Variants in ARHGEF7 observed in about 807,000 individuals in gnomAD.
ARHGEF7 encodes the protein PAK-interacting exchange factor beta.
A neutral mutation model predicts 109.8 loss-of-function variants in ARHGEF7; 33 were observed. The ratio of observed to expected loss-of-function variants is 0.30; its 90% CI spans 0.23 to 0.40. The LOEUF (loss-of-function observed/expected upper bound fraction) is 0.40. Ranked by LOEUF, ARHGEF7 falls within the 10% of genes least tolerant of loss-of-function variation. ARHGEF7 has a pLI of 1.00. For missense variants in ARHGEF7, 938 were observed against 1,098.5 expected (o/e 0.85, Z 2.07); for synonymous variants, 458 against 424.6 (o/e 1.08, Z -0.97).
In ARHGEF7 at chr13:111,273,666, G is replaced by A. The variant is rs566483138; in HGVS notation, c.1074-148G>A. 1.7e-5 allele frequency: 19 copies of A among 1,090,290 alleles called. No homozygotes were observed. The East Asian group carries it at 2.2e-4, about 13-fold the overall frequency. 67.5% of individuals were successfully genotyped at this position (1,090,290 alleles called of 1,614,324 possible). A position where few individuals can be genotyped will look rare whatever the true frequency, so the allele number is the denominator to read the frequency against. On this transcript the variant is annotated intron_variant, in intron 9 of 21. Coordinates refer to ENST00000646102, the MANE Select transcript of ARHGEF7 (RefSeq NM_001354046.2). This position sits in a 1 kb window ranked among gnomAD's most constrained non-coding sequence, Gnocchi z 4.5. ...CCTTTGGCATTTCCAGATAAGCAGC[G>A]CAGATTTGGGATAAAAGCTGGAGCC... is the stretch of plus-strand genomic sequence containing the variant.
At chr13:111,256,283 G>A (rs987066375) in intron 8 of ARHGEF7, among the ~76,000 whole-genome samples, 1 of 152,196 alleles carries the variant, frequency 6.6e-6, no homozygotes, top group African/African-American at 2.4e-5. Context: ...GATTAAGGAA[G>A]CTTTATAAAT....
At chr13:111,186,839 C>T (rs1365075352) in intron 2 of ARHGEF7, 2 of 985,328 alleles carry the variant, frequency 2.0e-6, no homozygotes, top group Non-Finnish European at 2.4e-6. Context: ...GCAGAGGCCT[C>T]TCCGTCAGTA....
chr13:111,249,364 AG>A (rs2153556614), intron 8 of ARHGEF7, among the ~76,000 whole-genome samples: 1 of 152,172 alleles, frequency 6.6e-6, no homozygotes, highest in Admixed American at 6.5e-5. Flanking sequence ...GCTGCAGTTG[AG>A]GACGTGCCAG....
chr13:111,203,022 T>C, intron 2 of ARHGEF7: 2 of 1,229,412 alleles, frequency 1.6e-6, no homozygotes, highest in Non-Finnish European at 2.1e-6. Context: ...GGTATCCAAG[T>C]AAGAAAGATA....
At chr13:111,301,079 G>A (rs2153636628) in intron 20 of ARHGEF7, among the ~76,000 whole-genome samples, 1 of 152,186 alleles carries the variant, frequency 6.6e-6, no homozygotes, top group East Asian at 1.9e-4. Flanking sequence ...CTCCCGAGTA[G>A]CTGGGATTAC....
At chr13:111,301,875 G>C (rs1468859508) in intron 21 of ARHGEF7, among the ~76,000 whole-genome samples, 3 of 152,176 alleles carry the variant, frequency 2.0e-5, no homozygotes, top group Admixed American at 2.0e-4. Flanking sequence ...CTGAGCCACA[G>C]AGCAAGACTC....
Position 111,275,561 on chromosome 13 carries a change from A to G in ARHGEF7, c.1302A>G (p.Lys434=), listed in dbSNP as rs1018943822. 1.9e-6 allele frequency: 3 copies of G among 1,614,060 alleles called. No homozygotes were observed. The highest frequency in any genetic ancestry group is 2.5e-6 in the Non-Finnish European group (3 of 1,179,950). The change falls in exon 12 of 22, where the codon AAA becomes AAG. Residue 434 remains lysine (K), a synonymous_variant. Coordinates refer to ENST00000646102, the MANE Select transcript of ARHGEF7 (RefSeq NM_001354046.2). ...SAQCQEVRKR[K]ELELQILTEA... ...AATGTCAAGAAGTCCGGAAGAGGAA[A>G]GAGCTTGAGCTGCAGATCCTGACGG...
Position 111,258,397 on chromosome 13 carries a change from C to T in ARHGEF7, c.951-9151C>T, listed in dbSNP as rs2090694244. On this transcript the variant is annotated intron_variant, in intron 8 of 21. Transcript: ENST00000646102. The surrounding 1 kb of genome is among the most constrained non-coding windows in gnomAD (Gnocchi z 4.4). The stretch of plus-strand genomic sequence containing the variant: ...GAGGAAAGACGGCTTTGTCTTGCAG[C>T]TTGGATACCAGCTCAGCCACAGCAG... Among the ~76,000 whole-genome samples, 1 of 152,238 alleles carries T rather than the reference C, an allele frequency of 6.6e-6. No individual in the cohort carries two copies. Among genetic ancestry groups the T allele is most frequent in the Non-Finnish European group, 1.5e-5 (1 of 68,034 alleles).
At chr13:111,252,641 A>G (rs1168707512) in intron 8 of ARHGEF7, among the ~76,000 whole-genome samples, 1 of 152,180 alleles carries the variant, frequency 6.6e-6, no homozygotes, top group African/African-American at 2.4e-5. Flanking sequence ...ATGTACAGTG[A>G]ACTTCCATGT....
At position 111,205,369 on chromosome 13, in the gene ARHGEF7, A is replaced by G; in HGVS notation, c.333A>G (p.Thr111=). 6.3e-7 allele frequency: 1 copy of G among 1,596,338 alleles called. No homozygotes were observed. The highest frequency in any genetic ancestry group is 1.8e-5 in the Admixed American group (1 of 54,818). ...CCTTAGTGACTCTAAATAAAGTAAC[A>G]GCAGGTAAGACTCTTTTTTATTGAA... ...LSSLVTLNKV[T]ADIGLGSDSV... The change falls in exon 3 of 22, where the codon ACA becomes ACG. Residue 111 remains threonine, a synonymous_variant. Transcript: ENST00000646102.
At chr13:111,276,620 G>A (rs115559530) in intron 12 of ARHGEF7, among the ~76,000 whole-genome samples, 3,347 of 152,266 alleles carry the variant, frequency 0.022, 124 homozygotes, top group African/African-American at 0.077. Context: ...ACGACTGAAC[G>A]TAATTAGTGG....
Position 111,190,661 on chromosome 13 carries a change from C to T in ARHGEF7, c.253-14628C>T, listed in dbSNP as rs551282547. Among the ~76,000 whole-genome samples, 16 of 152,092 alleles carry T rather than the reference C, an allele frequency of 1.1e-4. No individual in the cohort carries two copies. The South Asian group carries it at 2.9e-3, about 28-fold the overall frequency. On this transcript the variant is annotated intron_variant, in intron 2 of 21. Coordinates refer to ENST00000646102, the MANE Select transcript of ARHGEF7 (RefSeq NM_001354046.2). ...TAGGGGTATTAGTTGTATGGCTCTGCGATGACAGACTTGAGCTTTGAGGGG... is the reference window on the plus strand; with the variant it reads ...TAGGGGTATTAGTTGTATGGCTCTGTGATGACAGACTTGAGCTTTGAGGGG...
chr13:111,117,061 T>C (rs2066839062), intron 1 of ARHGEF7, among the ~76,000 whole-genome samples: 1 of 152,232 alleles, frequency 6.6e-6, no homozygotes, highest in African/African-American at 2.4e-5. Flanking sequence ...TGGATACTGG[T>C]ACCTCTGGTA....
At chr13:111,117,977 TAAAAAG>T (rs1203891792) in intron 1 of ARHGEF7, among the ~76,000 whole-genome samples, 1 of 152,252 alleles carries the variant, frequency 6.6e-6, no homozygotes, top group Non-Finnish European at 1.5e-5. Flanking sequence ...GTTTTTTCCT[TAAAAAG>T]AAGCATTTGG....
At chr13:111,176,341 T>G (rs148382420) in intron 2 of ARHGEF7, among the ~76,000 whole-genome samples, 3 of 152,378 alleles carry the variant, frequency 2.0e-5, no homozygotes, top group African/African-American at 7.2e-5. Flanking sequence ...TTGCAGTGTT[T>G]GAGGTGTGTA....
Position 111,115,708 on chromosome 13 carries a change from G to GC in ARHGEF7, c.165+22dup. 8.8e-7 allele frequency: 1 copy of GC among 1,139,930 alleles called. No individual in the cohort carries two copies. The highest frequency in any genetic ancestry group is 1.1e-6 in the Non-Finnish European group (1 of 927,648). The allele number at this position is 1,139,930 out of a possible 1,614,324, so 70.6% of individuals were successfully genotyped here. A position where few individuals can be genotyped will look rare whatever the true frequency, so the allele number is the denominator to read the frequency against. On this transcript the variant is annotated intron_variant, in intron 1 of 21. Transcript: ENST00000646102. ...ATCGAGAAAGTAAGTCCCGGCCCGC[G>GC]CCCCCGCCCGCGCCCCCCGGTCCGG...
intron 2 of ARHGEF7, among the ~76,000 whole-genome samples, chr13:111,171,883 C>CT (rs2153415070): frequency 6.6e-6 from 1 of 152,326 alleles, no homozygotes; most frequent in African/African-American, 2.4e-5. Flanking sequence ...AGAGAGACCT[C>CT]TGCCCCCGTG....
At chr13:111,278,068 A>T (rs914905512) in intron 13 of ARHGEF7, among the ~76,000 whole-genome samples, 8 of 152,186 alleles carry the variant, frequency 5.3e-5, no homozygotes, top group Admixed American at 2.6e-4. Context: ...TGTCAGTGGC[A>T]CGGCACCGCC....
intron 9 of ARHGEF7, among the ~76,000 whole-genome samples, chr13:111,270,796 G>T (rs1278492826): frequency 6.6e-6 from 1 of 152,188 alleles, no homozygotes; most frequent in Non-Finnish European, 1.5e-5. Context: ...TGATTTTCAT[G>T]GGACTGCCTG....
Sources: gnomAD v4.1 joint callset for allele counts (sites outside exome capture counted in the v4.1 genomes callset) on GRCh38, gnomAD v4.1.1 for gene constraint, Gnocchi (gnomAD v3.1) non-coding constraint, MANE v1.5 for transcripts, NCBI Gene and HGNC (gene_info 2026-07-23, HGNC 2026-07-21) for gene names.